NEGR1: variants seen among roughly 807,000 people sequenced by gnomAD.
NEGR1 encodes neuronal growth regulator 1, also known as IgLON family member 4.
NEGR1 carries 10 observed loss-of-function variants against 40.9 expected under a neutral mutation model. The observed-to-expected ratio is 0.24, with a 90% CI of 0.15 to 0.42. NEGR1 has a LOEUF of 0.42. Among genes scored for constraint, NEGR1 ranks in the 10% least tolerant of loss-of-function variants. The pLI is 1.00. For missense variants in NEGR1, 352 were observed against 438.9 expected, an observed-to-expected ratio of 0.80 and a Z score of 1.77; for synonymous variants, 185 against 166.8, an observed-to-expected ratio of 1.11 and a Z score of -0.84.
intron 1 of NEGR1, among the ~76,000 whole-genome samples, chr1:72,096,122 G>A (rs1648687307): frequency 6.6e-6 from 1 of 151,932 alleles, no homozygotes; most frequent in Non-Finnish European, 1.5e-5. Context: ...AAAATCTTTA[G>A]ATGATCAATT....
intron 1 of NEGR1, among the ~76,000 whole-genome samples, chr1:72,215,822 C>T (rs944332053): frequency 1.3e-5 from 2 of 151,818 alleles, no homozygotes; most frequent in African/African-American, 4.8e-5. Flanking sequence ...GGATCTATAA[C>T]CAGAAATACT....
At chr1:71,456,149 AC>A (rs2101336524) in intron 6 of NEGR1, among the ~76,000 whole-genome samples, 1 of 152,356 alleles carries the variant, frequency 6.6e-6, no homozygotes, top group Admixed American at 6.5e-5. Context: ...TTGCTTAGGT[AC>A]AACAAAGAGA....
intron 1 of NEGR1, among the ~76,000 whole-genome samples, chr1:71,994,421 G>T (rs971658933): frequency 6.6e-6 from 1 of 151,864 alleles, no homozygotes; most frequent in Non-Finnish European, 1.5e-5. Context: ...CCAGCTACTC[G>T]GGAGGCTGAG....
chr1:71,843,127 C>T (rs1659300400), intron 2 of NEGR1, among the ~76,000 whole-genome samples: 1 of 152,138 alleles, frequency 6.6e-6, no homozygotes, highest in South Asian at 2.1e-4. Flanking sequence ...CGTTATAGTG[C>T]CCATTAGGGA....
At chr1:72,227,852 C>G (rs1654242647) in intron 1 of NEGR1, among the ~76,000 whole-genome samples, 1 of 152,012 alleles carries the variant, frequency 6.6e-6, no homozygotes, top group South Asian at 2.1e-4. Flanking sequence ...ACCCAGAGCG[C>G]AAGTGAGTAA....
intron 6 of NEGR1, among the ~76,000 whole-genome samples, chr1:71,559,707 G>T (rs899866565): frequency 1.3e-5 from 2 of 151,338 alleles, no homozygotes; most frequent in Non-Finnish European, 3.0e-5. Flanking sequence ...TGCCTGCCAG[G>T]TTGGACTGTG....
intron 2 of NEGR1, among the ~76,000 whole-genome samples, chr1:71,798,541 G>T (rs979232595): frequency 1.3e-5 from 2 of 152,096 alleles, no homozygotes; most frequent in African/African-American, 2.4e-5. Context: ...GCATATTAAA[G>T]AATTACATCT....
chr1:71,545,352 A>G (rs1647858625), intron 6 of NEGR1, among the ~76,000 whole-genome samples: 1 of 151,688 alleles, frequency 6.6e-6, no homozygotes, highest in African/African-American at 2.4e-5. Context: ...TTTCATGGCA[A>G]CTGCCAAATA....
chr1:71,667,541 G>A (rs1230465094), intron 4 of NEGR1, among the ~76,000 whole-genome samples: 3 of 152,180 alleles, frequency 2.0e-5, no homozygotes, highest in Non-Finnish European at 4.4e-5. Flanking sequence ...AGAGACAGCT[G>A]TGTAAATGGG....
At chr1:71,955,153 G>A (rs1646109295) in intron 1 of NEGR1, among the ~76,000 whole-genome samples, 1 of 152,032 alleles carries the variant, frequency 6.6e-6, no homozygotes, top group Non-Finnish European at 1.5e-5. Context: ...TTATCCATAT[G>A]CCACTGGGAA....
chr1:71,993,188 A>T (rs1646470628), intron 1 of NEGR1, among the ~76,000 whole-genome samples: 1 of 152,184 alleles, frequency 6.6e-6, no homozygotes, highest in Non-Finnish European at 1.5e-5. Context: ...TACTTTCCAC[A>T]CCCTAGTCAG....
intron 2 of NEGR1, among the ~76,000 whole-genome samples, chr1:71,860,663 T>C (rs912593839): frequency 1.3e-5 from 2 of 151,972 alleles, no homozygotes; most frequent in Non-Finnish European, 2.9e-5. Flanking sequence ...GGCTGATAAA[T>C]ACTAAAAGCA....
intron 1 of NEGR1, among the ~76,000 whole-genome samples, chr1:72,121,364 C>T (rs1240138268): frequency 1.3e-5 from 2 of 152,086 alleles, no homozygotes; most frequent in South Asian, 2.1e-4. Flanking sequence ...GATATTCGAA[C>T]TTCTACTTTA....
intron 2 of NEGR1, among the ~76,000 whole-genome samples, chr1:71,810,443 T>A (rs1657959001): frequency 6.6e-6 from 1 of 152,116 alleles, no homozygotes; most frequent in Non-Finnish European, 1.5e-5. Flanking sequence ...TAACCATGAA[T>A]AGAACTGAAA....
intron 2 of NEGR1, among the ~76,000 whole-genome samples, chr1:71,930,369 T>G (rs1645843612): frequency 6.6e-6 from 1 of 152,196 alleles, no homozygotes; most frequent in Admixed American, 6.5e-5. Context: ...AATGAATAAC[T>G]GATTCTGTTT....
At chr1:72,234,518 G>C (rs1485608962) in intron 1 of NEGR1, among the ~76,000 whole-genome samples, 1 of 152,030 alleles carries the variant, frequency 6.6e-6, no homozygotes, top group Non-Finnish European at 1.5e-5. Context: ...GAAAATTTTT[G>C]CAAGCTATGC....
chr1:71,472,207 T>C (rs867577595), intron 6 of NEGR1, among the ~76,000 whole-genome samples: 2 of 152,106 alleles, frequency 1.3e-5, no homozygotes, highest in Non-Finnish European at 2.9e-5. Flanking sequence ...TAGTAAGAGA[T>C]GGAAGGGATA....
At chr1:72,074,053 T>A (rs867689339) in intron 1 of NEGR1, among the ~76,000 whole-genome samples, 1 of 152,110 alleles carries the variant, frequency 6.6e-6, no homozygotes, top group Non-Finnish European at 1.5e-5. Context: ...TCATATTTTA[T>A]CACCTCTGAA....
chr1:71,611,260 A>G (rs1650242074), intron 4 of NEGR1, 114 bp from the exon 5 acceptor site: 1 of 889,378 alleles, frequency 1.1e-6, no homozygotes, highest in Non-Finnish European at 1.7e-6. Flanking sequence ...CTTATGCCTG[A>G]TAGACCAACG....
Sources: gnomAD v4.1 joint callset for allele counts (sites outside exome capture counted in the v4.1 genomes callset) on GRCh38, gnomAD v4.1.1 for gene constraint, MANE v1.5 for transcripts, NCBI Gene and HGNC (gene_info 2026-07-23, HGNC 2026-07-21) for gene names.